Variants in RNF20 observed in about 807,000 individuals in gnomAD.
RNF20 encodes the protein E3 ubiquitin-protein ligase BRE1A.
RNF20 carries 84 observed loss-of-function variants against 126.2 expected under a neutral mutation model. That is an observed-to-expected ratio of 0.67 (90% CI 0.56 to 0.80). The LOEUF is 0.80. Among genes scored for constraint, RNF20 ranks in the 30% least tolerant of loss-of-function variants. RNF20 has a pLI of 0.00. For synonymous variants in RNF20, 400 were observed against 414.3 expected (o/e 0.97, Z 0.42); for missense variants, 869 against 1,188.2 (o/e 0.73, Z 3.95).
intron 2 of RNF20, 101 bp from the exon 3 acceptor site, chr9:101,540,102 T>C: frequency 8.8e-7 from 1 of 1,137,990 alleles, no homozygotes; most frequent in Non-Finnish European, 1.2e-6. Flanking sequence ...AATAGCTTTA[T>C]TCATAGAAAA....
chr9:101,543,912 T>C (rs1222959243), intron 5 of RNF20, among the ~76,000 whole-genome samples: 2 of 152,306 alleles, frequency 1.3e-5, no homozygotes, highest in African/African-American at 4.8e-5. Flanking sequence ...ATTTTAAAAG[T>C]TCCACAAGTG....
chr9:101,540,210 T>G lies in RNF20; in HGVS notation c.137T>G (p.Leu46Arg). 3 of 1,614,048 alleles carry G rather than the reference T, an allele frequency of 1.9e-6. No individual in the cohort carries two copies. ...GATTGGTTTACTGGGCAGGAGGAAC[T>G]AGACATTAGAACACTGCAAACCAAA... is the stretch of plus-strand genomic sequence containing the variant. The part of the protein sequence containing the change: ...KLGGVSSTEE[L>R]DIRTLQTKNR... Residue 46 changes from leucine to arginine, a missense_variant, in exon 3 of 20, where the codon CTA becomes CGA. Leu to Arg is a moderately radical substitution (Grantham distance 102). Coordinates refer to ENST00000389120, the MANE Select transcript of RNF20 (RefSeq NM_019592.7).
intron 10 of RNF20, among the ~76,000 whole-genome samples, chr9:101,551,179 C>A (rs1023207026): frequency 6.6e-6 from 1 of 152,136 alleles, no homozygotes; most frequent in Non-Finnish European, 1.5e-5. Context: ...GGCATGAGAA[C>A]AGCACATATA....
At chr9:101,547,611 A>G in intron 9 of RNF20, 93 bp downstream of exon 9, 1 of 1,423,538 alleles carries the variant, frequency 7.0e-7, no homozygotes, top group Non-Finnish European at 9.6e-7. Flanking sequence ...TTCATGAGGG[A>G]TAAGAAAAAT....
At position 101,561,137 on chromosome 9, in the gene RNF20, G is replaced by C. The variant is rs887911404; in HGVS notation, c.2556G>C (p.Glu852Asp). 14 of 1,613,836 alleles carry C rather than the reference G, an allele frequency of 8.7e-6. No individual in the cohort carries two copies. Among genetic ancestry groups the C allele is most frequent in the Non-Finnish European group, 1.2e-5 (14 of 1,179,856 alleles). Reference protein sequence around the residue: ...QLADDLKAQLELAQKKLHDFQ... With the variant: ...QLADDLKAQLDLAQKKLHDFQ... Reference sequence around the variant, plus strand: ...CAGATGACCTCAAAGCACAACTGGAGTTGGCTCAGAAGAAGCTACATGATT... The same window carrying C: ...CAGATGACCTCAAAGCACAACTGGACTTGGCTCAGAAGAAGCTACATGATT... Residue 852 changes from glutamate to aspartate, a missense_variant, in exon 18 of 20, where the codon GAG (glutamate) becomes GAC (aspartate). Glu to Asp is a conservative substitution (Grantham distance 45). Around this residue, in one of 8 missense-constraint regions of RNF20, gnomAD observed 150 missense variants for 173.7 expected, o/e 0.86. Transcript: ENST00000389120.
chr9:101,536,752 T>C (rs1003275393), intron 2 of RNF20, among the ~76,000 whole-genome samples: 3 of 152,170 alleles, frequency 2.0e-5, no homozygotes, highest in Non-Finnish European at 2.9e-5. Context: ...CACATACTTA[T>C]GGGAAGCACA....
chr9:101,540,050 C>A (rs976593860), intron 2 of RNF20, 153 bp from the exon 3 acceptor site: 3 of 694,278 alleles, frequency 4.3e-6, no homozygotes, highest in Non-Finnish European at 2.4e-6. Context: ...TTTATCTCTT[C>A]TGCTTCTACT....
chr9:101,553,872 T>A (rs1827487700), intron 13 of RNF20, 116 bp from the exon 14 acceptor site: 3 of 589,286 alleles, frequency 5.1e-6, no homozygotes, highest in Non-Finnish European at 6.1e-6. Flanking sequence ...TTAGGTGTGA[T>A]ATGAAATGTA....
At chr9:101,540,406 G>T (rs1827241972) in intron 3 of RNF20, 36 bp downstream of exon 3, 4 of 1,612,992 alleles carry the variant, frequency 2.5e-6, no homozygotes, top group African/African-American at 2.7e-5. Context: ...ATTTTTATTT[G>T]ACCAATTTAG....
chr9:101,544,655 C>T (rs1200357630), intron 5 of RNF20, 112 bp from the exon 6 acceptor site: 16 of 667,480 alleles, frequency 2.4e-5, no homozygotes, highest in African/African-American at 3.6e-5. Flanking sequence ...TGCAGTGAGC[C>T]GAGATCGCGC....
chr9:101,543,159 A>G (rs920825045), intron 5 of RNF20, among the ~76,000 whole-genome samples: 1 of 152,194 alleles, frequency 6.6e-6, no homozygotes, highest in Non-Finnish European at 1.5e-5. Context: ...AAAATCCCCT[A>G]TGATATGATA....
chr9:101,535,525 A>G lies in RNF20; in HGVS notation c.102A>G (p.Thr34=), dbSNP rs755905643. 1 of 1,613,624 alleles carries G rather than the reference A, an allele frequency of 6.2e-7. No homozygotes were observed. The highest frequency in any genetic ancestry group is 8.5e-7 in the Non-Finnish European group (1 of 1,179,720). ...AVEDSGTTVE[T]IKLGGVSSTE... The stretch of plus-strand genomic sequence containing the variant: ...AAGATTCAGGGACCACAGTGGAAAC[A>G]ATTAAGCTAGGAGGTGTCTCTTCAA... The change falls in exon 2 of 20, where the codon ACA becomes ACG. Residue 34 remains threonine, a synonymous_variant. Transcript: ENST00000389120.
chr9:101,545,249 C>T (rs1303526137), intron 6 of RNF20, among the ~76,000 whole-genome samples: 1 of 152,112 alleles, frequency 6.6e-6, no homozygotes, highest in African/African-American at 2.4e-5. Flanking sequence ...ACAAAATGAT[C>T]AAGATAAAGT....
chr9:101,545,486 A>G (rs1208844263), intron 6 of RNF20, among the ~76,000 whole-genome samples: 1 of 152,210 alleles, frequency 6.6e-6, no homozygotes, highest in Non-Finnish European at 1.5e-5. Flanking sequence ...AACAAATTCA[A>G]AGAGGTTAGT....
intron 14 of RNF20, among the ~76,000 whole-genome samples, chr9:101,554,409 GCT>G (rs1564111521): frequency 6.6e-6 from 1 of 151,964 alleles, no homozygotes; most frequent in Non-Finnish European, 1.5e-5. Flanking sequence ...AATGTCTTAT[GCT>G]CTTAAAATTT....
At chr9:101,538,735 T>G (rs1827220212) in intron 2 of RNF20, among the ~76,000 whole-genome samples, 1 of 152,182 alleles carries the variant, frequency 6.6e-6, no homozygotes, top group South Asian at 2.1e-4. Flanking sequence ...ATTAGGAATG[T>G]TTTAATTAAA....
intron 2 of RNF20, among the ~76,000 whole-genome samples, chr9:101,536,335 G>A (rs572146503): frequency 6.6e-6 from 1 of 152,172 alleles, no homozygotes; most frequent in South Asian, 2.1e-4. Flanking sequence ...ATATTAAAAT[G>A]TTTTACATTT....
At position 101,535,385 on chromosome 9, in the gene RNF20, T is replaced by G. The variant is rs755891361; in HGVS notation, c.-26-13T>G. On this transcript the variant is annotated splice_polypyrimidine_tract_variant and intron_variant, in intron 1 of 19. Coordinates refer to ENST00000389120, the MANE Select transcript of RNF20 (RefSeq NM_019592.7). ...ACATATATTATGTCAGTTTCTGCCT[T>G]TTTTTCTATCAGGAAAACGACTGTC... The G allele has an allele frequency of 6.2e-7, 1 of 1,600,854 alleles. No individual in the cohort carries two copies. Among genetic ancestry groups the G allele is most frequent in the Non-Finnish European group, 8.5e-7 (1 of 1,175,512 alleles).
Position 101,540,316 on chromosome 9 carries a change from A to C in RNF20, c.243A>C (p.Arg81=), listed in dbSNP as rs775041387. The C allele has an allele frequency of 1.3e-5, 21 of 1,614,096 alleles. No homozygotes were observed. In the Middle Eastern group the frequency reaches 8.2e-4, roughly 63 times the overall value. ...ELREHIEKLE[R]RQATDDASLL... ...GTGAGCACATTGAAAAACTGGAACG[A>C]CGACAGGCCACTGATGATGCCTCAC... Residue 81 remains arginine, a synonymous_variant, in exon 3 of 20, where the codon CGA becomes CGC. Transcript: ENST00000389120.
Sources: gnomAD v4.1 joint callset for allele counts (sites outside exome capture counted in the v4.1 genomes callset) on GRCh38, gnomAD v4.1.1 for gene constraint, gnomAD v4.1.1 regional missense constraint, MANE v1.5 for transcripts, NCBI Gene and HGNC (gene_info 2026-07-23, HGNC 2026-07-21) for gene names.